The following OTOG variants were observed in gnomAD, a reference collection of about 807,000 sequenced individuals.
OTOG encodes otogelin.
OTOG carries 296 observed loss-of-function variants against 313.8 expected under a neutral mutation model. The ratio of observed to expected loss-of-function variants is 0.94; its 90% confidence interval spans 0.86 to 1.04. The LOEUF (loss-of-function observed/expected upper bound fraction) is 1.04. OTOG is among the 50% of genes least tolerant of loss of function. The probability of loss-of-function intolerance (pLI) is 0.00; values close to 1 mark genes in which losing one functional copy is unlikely to be tolerated. For synonymous variants in OTOG, 1,533 were observed against 1,554.9 expected (o/e 0.99, Z 0.33); for missense variants, 3,948 against 3,840.1 (o/e 1.03, Z -0.74).
chr11:17,638,761 A>T lies in OTOG; in HGVS notation c.7894+212A>T, dbSNP rs781559036. On this transcript the variant is annotated intron_variant, in intron 48 of 55. Transcript: ENST00000399397. ...CTTTTCTCTCTAGGATAAAAGAAGG[A>T]AAAAGCAAGTTTCCCATTCCAAAGA... 5 of 1,538,506 alleles carry T rather than the reference A, an allele frequency of 3.2e-6. 1 individual carries two copies. In the South Asian group the frequency reaches 6.0e-5, roughly 19 times the overall value.
At chr11:17,592,692 A>G (rs1479511161) in intron 25 of OTOG, among the ~76,000 whole-genome samples, 1 of 152,220 alleles carries the variant, frequency 6.6e-6, no homozygotes, top group Non-Finnish European at 1.5e-5. Flanking sequence ...TTCTACAGAA[A>G]TAATGCCCTC....
intron 27 of OTOG, 99 bp from the exon 28 acceptor site, chr11:17,593,948 C>G: frequency 6.7e-7 from 1 of 1,485,404 alleles, no homozygotes; most frequent in Non-Finnish European, 9.1e-7. Flanking sequence ...GCAGTGGCTT[C>G]TAGGTCTATG....
At chr11:17,551,317 A>G (rs1362855199) in intron 3 of OTOG, among the ~76,000 whole-genome samples, 4 of 152,146 alleles carry the variant, frequency 2.6e-5, no homozygotes, top group Non-Finnish European at 5.9e-5. Context: ...CCCTGTTGTT[A>G]TATAGTCCTG....
intron 36 of OTOG, among the ~76,000 whole-genome samples, chr11:17,611,729 G>A (rs1024017502): frequency 1.3e-5 from 2 of 152,252 alleles, no homozygotes; most frequent in Middle Eastern, 3.4e-3. Flanking sequence ...AAATATGAGC[G>A]CTCCTGTATC....
Position 17,645,977 on chromosome 11 carries a change from T to C in OTOG, c.*33T>C, listed in dbSNP as rs572831947. 3.5e-3 allele frequency: 5,323 copies of C among 1,535,104 alleles called. 17 individuals are homozygous for C. The highest frequency in any genetic ancestry group is 4.4e-3 in the Non-Finnish European group (4,957 of 1,138,848). ...GGGCCCGGGCTAGCTGGACCACCTC[T>C]GCCAGCCCCACTTTCTGTTTCCAGC... On this transcript the variant is annotated 3_prime_UTR_variant, in exon 56 of 56. Coordinates refer to ENST00000399397, the MANE Select transcript of OTOG (RefSeq NM_001292063.2).
chr11:17,570,370 C>T lies in OTOG; in HGVS notation c.1935C>T (p.Gly645=). 7 of 1,550,494 alleles carry T rather than the reference C, an allele frequency of 4.5e-6. No individual in the cohort carries two copies. Among genetic ancestry groups the T allele is most frequent in the Non-Finnish European group, 5.2e-6 (6 of 1,146,962 alleles). The change falls in exon 17 of 56, where the codon GGC becomes GGT. Residue 645 remains glycine, a synonymous_variant. Transcript: ENST00000399397. Reference sequence around the variant, plus strand: ...TGGGCCTCTGCGGCACCTTCAATGGCAACACGCAGGATGACTTCCTGTACG... The same window carrying T: ...TGGGCCTCTGCGGCACCTTCAATGGTAACACGCAGGATGACTTCCTGTACG... The part of the protein sequence containing the change: ...DTVGLCGTFN[G]NTQDDFLSPV...
At chr11:17,574,088 G>C (rs1284965939) in intron 19 of OTOG, among the ~76,000 whole-genome samples, 1 of 152,220 alleles carries the variant, frequency 6.6e-6, no homozygotes, top group Non-Finnish European at 1.5e-5. Context: ...AGCTCCCCAG[G>C]TGGCTTTGAT....
intron 53 of OTOG, among the ~76,000 whole-genome samples, chr11:17,642,993 A>G (rs1848005707): frequency 6.6e-6 from 1 of 152,162 alleles, no homozygotes; most frequent in Admixed American, 6.5e-5. Flanking sequence ...TGTTTTACCC[A>G]TTTCATTATA....
intron 53 of OTOG, 111 bp from the exon 54 acceptor site, chr11:17,643,350 C>T (rs902976863): frequency 1.4e-5 from 10 of 693,686 alleles, no homozygotes; most frequent in East Asian, 6.8e-5. Flanking sequence ...TGGGGCATCA[C>T]GGGGAGAGAA....
In OTOG at chr11:17,641,868, C is replaced by T. The variant is rs755224664; in HGVS notation, c.8212C>T (p.Arg2738Trp). 1.0e-5 allele frequency: 16 copies of T among 1,550,184 alleles called. No homozygotes were observed. Among genetic ancestry groups the T allele is most frequent in the Middle Eastern group, 1.7e-4 (1 of 5,990 alleles). Reference sequence around the variant, plus strand: ...GTAGAACCAGGAGTACGAGCACCCGCGGGACCTCGCTGCCTGCTGCGGCTC... The same window carrying T: ...GTAGAACCAGGAGTACGAGCACCCGTGGGACCTCGCTGCCTGCTGCGGCTC... Reference protein sequence around the residue: ...CEANQEYEHPRDLAACCGSCR... With the variant: ...CEANQEYEHPWDLAACCGSCR... Residue 2738 changes from arginine to tryptophan, a missense_variant, in exon 52 of 56, where the codon CGG becomes TGG. Transcript: ENST00000399397.
In OTOG at chr11:17,641,108, G is replaced by C. The variant is rs1306455209; in HGVS notation, c.8190+17G>C. On this transcript the variant is annotated intron_variant, in intron 51 of 55. Transcript: ENST00000399397. ...TGTGAGGCGGTAGGGTGCAGCCCAG[G>C]GCGGGGTGGGTGGGGTTGGGAGGGC... The C allele has an allele frequency of 6.6e-7, 1 of 1,524,550 alleles. No homozygotes were observed. The highest frequency in any genetic ancestry group is 8.8e-7 in the Non-Finnish European group (1 of 1,135,964). The allele number at this position is 1,524,550 out of a possible 1,614,324, so 94.4% of individuals were successfully genotyped here.
chr11:17,589,162 G>A (rs1202517452), intron 24 of OTOG, among the ~76,000 whole-genome samples: 2 of 152,128 alleles, frequency 1.3e-5, no homozygotes, highest in African/African-American at 4.8e-5. Context: ...CTGGAGGGAT[G>A]TGCAAAACCC....
rs1854247156 is a variant in OTOG, at chr11:17,635,648, G to C, written c.7732G>C (p.Glu2578Gln). Reference protein sequence around the residue: ...DCPDSIPECQEGEALTVHRNT... With the variant: ...DCPDSIPECQQGEALTVHRNT... ...TCCAGACTCCATCCCCGAATGTCAA[G>C]AAGGGGAGGCGCTCACTGTGCACAG... The change falls in exon 47 of 56, where the codon GAA (glutamate) becomes CAA (glutamine). Residue 2578 changes from glutamate to glutamine, a missense_variant. By Grantham distance (29) the Glu-to-Gln change is conservative. Coordinates refer to ENST00000399397, the MANE Select transcript of OTOG (RefSeq NM_001292063.2). The C allele has an allele frequency of 6.4e-7, 1 of 1,550,464 alleles. No individual in the cohort carries two copies. The highest frequency in any genetic ancestry group is 1.2e-5 in the South Asian group (1 of 84,068).
chr11:17,580,861 G>T (rs906439095), intron 23 of OTOG, among the ~76,000 whole-genome samples: 32 of 152,196 alleles, frequency 2.1e-4, no homozygotes, highest in African/African-American at 6.8e-4. Flanking sequence ...GGCTTAGAAG[G>T]GTTAAGTGGC....
intron 39 of OTOG, among the ~76,000 whole-genome samples, chr11:17,615,851 C>A (rs535135570): frequency 6.6e-6 from 1 of 152,096 alleles, no homozygotes; most frequent in Admixed American, 6.6e-5. Flanking sequence ...TCACTTGAAC[C>A]TGGGAGGCGG....
chr11:17,598,682 A>G (rs1265083718), intron 30 of OTOG, among the ~76,000 whole-genome samples: 1 of 152,176 alleles, frequency 6.6e-6, no homozygotes, highest in African/African-American at 2.4e-5. Flanking sequence ...GTGGGATTTG[A>G]ACTCAGGTCT....
In OTOG at chr11:17,629,165, G is replaced by A. The variant is rs267602807; in HGVS notation, c.6561G>A (p.Pro2187=). ...TGGACTTGCAGCCTGTGTGGCCACC[G>A]GTGAGCAGGTATGGATTCAGAATTG... ...VTVDLQPVWP[P]VSRYGFRIED... Residue 2187 remains proline, a synonymous_variant, in exon 40 of 56, where the codon CCG becomes CCA. Coordinates refer to ENST00000399397, the MANE Select transcript of OTOG (RefSeq NM_001292063.2). The A allele has an allele frequency of 6.1e-5, 94 of 1,550,210 alleles. No individual in the cohort carries two copies. Among genetic ancestry groups the A allele is most frequent in the Middle Eastern group, 5.0e-4 (3 of 6,012 alleles).
At chr11:17,601,114 T>C (rs1431205472) in intron 31 of OTOG, among the ~76,000 whole-genome samples, 3 of 152,206 alleles carry the variant, frequency 2.0e-5, no homozygotes, top group Non-Finnish European at 2.9e-5. Context: ...GAGATCTCAT[T>C]GTTAGCCATT....
intron 16 of OTOG, among the ~76,000 whole-genome samples, 158 bp downstream of exon 16, chr11:17,569,446 AC>A (rs1852360510): frequency 6.6e-6 from 1 of 152,020 alleles, no homozygotes; most frequent in Non-Finnish European, 1.5e-5. Flanking sequence ...AAAAATGTGG[AC>A]TCCAAAAATG....
Sources: allele counts gnomAD v4.1 joint callset (sites outside exome capture counted in the v4.1 genomes callset), GRCh38; gene constraint gnomAD v4.1.1; transcripts MANE v1.5; gene names NCBI Gene and HGNC (gene_info 2026-07-23, HGNC 2026-07-21).